PIEZO2: variants seen among roughly 807,000 people sequenced by gnomAD.
PIEZO2 encodes the protein piezo type mechanosensitive ion channel component 2.
A neutral mutation model predicts 337.3 loss-of-function variants in PIEZO2; 172 were observed. The observed-to-expected ratio is 0.51, with a 90% CI of 0.45 to 0.58. The LOEUF (loss-of-function observed/expected upper bound fraction) is 0.58. Among genes scored for constraint, PIEZO2 ranks in the 20% least tolerant of loss-of-function variants. PIEZO2 has a pLI of 0.00. For missense variants in PIEZO2, 3,028 were observed against 3,391.3 expected (o/e 0.89, Z 2.66); for synonymous variants, 1,251 against 1,228.5 (o/e 1.02, Z -0.38).
intron 4 of PIEZO2, among the ~76,000 whole-genome samples, chr18:10,875,332 A>G (rs1465977966): frequency 6.6e-6 from 1 of 152,224 alleles, no homozygotes; most frequent in Non-Finnish European, 1.5e-5. Context: ...GGAAAATTGC[A>G]GAGATTCATT....
Position 10,750,287 on chromosome 18 carries a change from T to C in PIEZO2, c.4168-100A>G. The C allele has an allele frequency of 1.2e-6, 1 of 841,558 alleles. No individual in the cohort carries two copies. Among genetic ancestry groups the C allele is most frequent in the South Asian group, 1.5e-5 (1 of 66,648 alleles). The allele number at this position is 841,558 out of a possible 1,614,324, so 52.1% of individuals were successfully genotyped here. ...TGTGCAAGAATTCACAAGGTCTCAG[T>C]GATAAGGATTCCAGGAGATGCCAAT... On this transcript the variant is annotated intron_variant, in intron 28 of 55. Coordinates refer to ENST00000674853, the MANE Select transcript of PIEZO2 (RefSeq NM_001378183.1). The surrounding 1 kb of genome is among the most constrained non-coding windows in gnomAD (Gnocchi z 4.1).
chr18:10,867,565 C>T (rs1363785709), intron 5 of PIEZO2, among the ~76,000 whole-genome samples: 3 of 152,068 alleles, frequency 2.0e-5, no homozygotes, highest in Non-Finnish European at 4.4e-5. Context: ...AAGAAGCTGC[C>T]TCTTTACACA....
At chr18:10,807,534 A>C (rs947288676) in intron 7 of PIEZO2, among the ~76,000 whole-genome samples, 2 of 152,230 alleles carry the variant, frequency 1.3e-5, no homozygotes, top group African/African-American at 4.8e-5. Context: ...CATTAACCAG[A>C]AGATCTTTAC....
At chr18:10,809,802 T>C (rs754502361) in intron 7 of PIEZO2, among the ~76,000 whole-genome samples, 17 of 152,180 alleles carry the variant, frequency 1.1e-4, no homozygotes, top group Admixed American at 2.6e-4. Context: ...GGAACTACTC[T>C]GTCTACACTA....
intron 42 of PIEZO2, 115 bp downstream of exon 42, chr18:10,704,279 G>C (rs1397995423): frequency 7.5e-7 from 1 of 1,340,356 alleles, no homozygotes; most frequent in African/African-American, 1.5e-5. Flanking sequence ...TGTTCCATGT[G>C]AAACTGTCTG....
intron 2 of PIEZO2, among the ~76,000 whole-genome samples, chr18:11,056,496 G>C (rs1018989003): frequency 6.6e-6 from 1 of 152,232 alleles, no homozygotes; most frequent in African/African-American, 2.4e-5. Context: ...ATCTTCAAGT[G>C]TGTAATTATC....
intron 2 of PIEZO2, among the ~76,000 whole-genome samples, chr18:11,034,745 T>G (rs1321868567): frequency 6.6e-6 from 1 of 152,096 alleles, no homozygotes; most frequent in Non-Finnish European, 1.5e-5. Flanking sequence ...CTCGGGAGAC[T>G]GAGGCAGGAG....
rs548597215 is a variant in PIEZO2, at chr18:10,891,079, T to C, written c.330-19664A>G. Among the ~76,000 whole-genome samples the C allele has an allele frequency of 6.6e-5, 10 of 152,168 alleles. No individual in the cohort carries two copies. In the South Asian group the frequency reaches 2.1e-3, roughly 32 times the overall value. On this transcript the variant is annotated intron_variant, in intron 4 of 55. Transcript: ENST00000674853. ...TGGAAGCGGTGGCTCACGCCTATAA[T>C]CCCAATACTTTGGGAGGCCGAGGCA...
In PIEZO2 at chr18:11,003,617, C is replaced by CCAGGCGGGCAT. The variant is rs1229356107; in HGVS notation, c.161-23968_161-23958dup. 2.0e-5 allele frequency among the ~76,000 whole-genome samples: 3 copies of CCAGGCGGGCAT among 152,186 alleles called. No homozygotes were observed. The highest frequency in any genetic ancestry group is 4.1e-4 in the South Asian group (2 of 4,826). ...GAGCTTAACCTGGAAGTTCAGGGCACCAGGCGGGCATCAGGCGGGCACCAG... is the reference window on the plus strand; with the variant it reads ...GAGCTTAACCTGGAAGTTCAGGGCACCAGGCGGGCATCAGGCGGGCATCAGGCGGGCACCAG... On this transcript the variant is annotated intron_variant, in intron 2 of 55. Coordinates refer to ENST00000674853, the MANE Select transcript of PIEZO2 (RefSeq NM_001378183.1). This position sits in a 1 kb window ranked among gnomAD's most constrained non-coding sequence, Gnocchi z 4.6.
At position 11,069,675 on chromosome 18, in the gene PIEZO2, G is replaced by A. The variant is rs2038269964; in HGVS notation, c.65-3453C>T. Among the ~76,000 whole-genome samples the A allele has an allele frequency of 6.6e-6, 1 of 152,160 alleles. No homozygotes were observed. Among genetic ancestry groups the A allele is most frequent in the Admixed American group, 6.5e-5 (1 of 15,274 alleles). On this transcript the variant is annotated intron_variant, in intron 1 of 55. Transcript: ENST00000674853. This position sits in a 1 kb window ranked among gnomAD's most constrained non-coding sequence, Gnocchi z 4.9. ...AATGTGGTACGGGAAGTCCTAGGCAGAGGAATTAGGCAAGAAAAAGAAATC... is the reference window on the plus strand; with the variant it reads ...AATGTGGTACGGGAAGTCCTAGGCAAAGGAATTAGGCAAGAAAAAGAAATC...
chr18:10,987,778 A>G (rs1485867730), intron 2 of PIEZO2, among the ~76,000 whole-genome samples: 2 of 152,096 alleles, frequency 1.3e-5, no homozygotes, highest in African/African-American at 4.8e-5. Flanking sequence ...TGGAGACAAT[A>G]CTTGTAAACC....
chr18:10,708,094 C>T (rs1053422579), intron 40 of PIEZO2, among the ~76,000 whole-genome samples, 181 bp downstream of exon 40: 22 of 152,208 alleles, frequency 1.4e-4, no homozygotes, highest in African/African-American at 4.8e-4. Flanking sequence ...TAATATAATG[C>T]TGTCCTGAGA....
chr18:10,741,315 A>G (rs975288348), intron 32 of PIEZO2, among the ~76,000 whole-genome samples: 11 of 152,236 alleles, frequency 7.2e-5, no homozygotes, highest in African/African-American at 2.7e-4. Flanking sequence ...AGTATGCTAC[A>G]TCTTCACTTT....
intron 18 of PIEZO2, among the ~76,000 whole-genome samples, chr18:10,778,548 G>A (rs1403930351): frequency 6.6e-6 from 1 of 152,012 alleles, no homozygotes; most frequent in Non-Finnish European, 1.5e-5. Context: ...TAGCCAGGAT[G>A]GTCTCGATCT....
In PIEZO2 at chr18:10,781,532, A is replaced by G. The variant is rs1370636208; in HGVS notation, c.2493-1166T>C. On this transcript the variant is annotated intron_variant, in intron 17 of 55. Coordinates refer to ENST00000674853, the MANE Select transcript of PIEZO2 (RefSeq NM_001378183.1). The surrounding 1 kb of genome is among the most constrained non-coding windows in gnomAD (Gnocchi z 4.1). ...TCCTTTGTAAATCATTGCTAATTAT[A>G]TATTATATAATAAACAATGTTATAC... Among the ~76,000 whole-genome samples, 1 of 152,022 alleles carries G rather than the reference A, an allele frequency of 6.6e-6. No individual in the cohort carries two copies. The highest frequency in any genetic ancestry group is 1.5e-5 in the Non-Finnish European group (1 of 68,024).
rs139221715 is a variant in PIEZO2, at chr18:10,948,283, T to C, written c.286+31252A>G. Among the ~76,000 whole-genome samples the C allele has an allele frequency of 4.2e-4, 64 of 152,330 alleles. 1 individual carries two copies. The East Asian group carries it at 0.012, about 29-fold the overall frequency. On this transcript the variant is annotated intron_variant, in intron 3 of 55. Coordinates refer to ENST00000674853, the MANE Select transcript of PIEZO2 (RefSeq NM_001378183.1). The stretch of plus-strand genomic sequence containing the variant: ...ACTATAATCATGTATGTGATTGAAC[T>C]ATCTTTATATTCTGACCAACAGCTC...
intron 3 of PIEZO2, among the ~76,000 whole-genome samples, chr18:10,931,183 A>C (rs540259169): frequency 6.6e-5 from 10 of 151,702 alleles, no homozygotes; most frequent in African/African-American, 2.4e-4. Context: ...TCTACTTATA[A>C]TTTTATTGTA....
chr18:10,900,811 G>A (rs867457879), intron 4 of PIEZO2, among the ~76,000 whole-genome samples: 4 of 152,184 alleles, frequency 2.6e-5, no homozygotes, highest in Middle Eastern at 3.4e-3. Context: ...CCACACATGC[G>A]CAGTATCTCT....
chr18:11,011,864 C>G (rs948465775), intron 2 of PIEZO2, among the ~76,000 whole-genome samples: 1 of 152,202 alleles, frequency 6.6e-6, no homozygotes, highest in Non-Finnish European at 1.5e-5. Flanking sequence ...GCCTCAAATT[C>G]CAGTACTTTG....
Sources: gnomAD v4.1 joint callset for allele counts (sites outside exome capture counted in the v4.1 genomes callset) on GRCh38, gnomAD v4.1.1 for gene constraint, Gnocchi (gnomAD v3.1) non-coding constraint, MANE v1.5 for transcripts, NCBI Gene and HGNC (gene_info 2026-07-23, HGNC 2026-07-21) for gene names.